The following B3GAT1 variants were observed in gnomAD, a reference collection of about 807,000 sequenced individuals.
B3GAT1 encodes beta-1,3-glucuronyltransferase 1.
B3GAT1 carries 11 observed loss-of-function variants against 28.4 expected under a neutral mutation model. That is an observed-to-expected ratio of 0.39 (90% CI 0.24 to 0.64). B3GAT1 has a LOEUF of 0.64. B3GAT1 is among the 30% of genes least tolerant of loss of function. The probability of loss-of-function intolerance (pLI) is 0.50; values close to 1 mark genes in which losing one functional copy is unlikely to be tolerated. For missense variants in B3GAT1, 375 were observed against 491.0 expected, an observed-to-expected ratio of 0.76 and a Z score of 2.23; for synonymous variants, 255 against 223.1, an observed-to-expected ratio of 1.14 and a Z score of -1.27.
intron 2 of B3GAT1, 95 bp from the exon 3 acceptor site, chr11:134,384,283 C>T (rs1441803042): frequency 4.9e-6 from 7 of 1,416,656 alleles, no homozygotes; most frequent in Admixed American, 2.8e-5. Flanking sequence ...GGGCACCCTC[C>T]TCCTCCCCCG....
At chr11:134,399,876 G>A (rs1307239508) in intron 1 of B3GAT1, among the ~76,000 whole-genome samples, 4 of 152,204 alleles carry the variant, frequency 2.6e-5, no homozygotes, top group Admixed American at 6.5e-5. Flanking sequence ...CAAGCCAGGT[G>A]AGCAGGTGGG....
chr11:134,404,890 G>A (rs1335238782), intron 1 of B3GAT1, among the ~76,000 whole-genome samples: 2 of 152,214 alleles, frequency 1.3e-5, no homozygotes, highest in African/African-American at 2.4e-5. Context: ...CAGCTCGCCC[G>A]GAGGCTGTAC....
intron 2 of B3GAT1, chr11:134,387,306 C>A (rs925172907): frequency 1.9e-5 from 10 of 524,838 alleles, no homozygotes; most frequent in Admixed American, 6.9e-5. Flanking sequence ...GTAACAAGCT[C>A]TTCTTTCAAG....
chr11:134,381,774 G>C, intron 5 of B3GAT1, 150 bp downstream of exon 5: 2 of 628,482 alleles, frequency 3.2e-6, no homozygotes, highest in Admixed American at 2.5e-5. Context: ...CCAGTGGGAA[G>C]GGGACTGTGG....
chr11:134,382,409 A>ATG (rs3065378), intron 4 of B3GAT1, among the ~76,000 whole-genome samples: 3 of 151,976 alleles, frequency 2.0e-5, no homozygotes, highest in African/African-American at 7.3e-5. Context: ...GTGCATCTGC[A>ATG]TGTGTGTGTG....
At chr11:134,404,681 G>A (rs11602310) in intron 1 of B3GAT1, among the ~76,000 whole-genome samples, 11,068 of 152,240 alleles carry the variant, frequency 0.073, 445 homozygotes, top group African/African-American at 0.11. Context: ...TACGCCACTC[G>A]GAAGAGTGTG....
chr11:134,390,726 G>C (rs1043102789), intron 1 of B3GAT1: 3 of 152,342 alleles, frequency 2.0e-5, no homozygotes, highest in Non-Finnish European at 4.4e-5. Flanking sequence ...GGCCAGAGAA[G>C]GGGAGTAACT....
intron 1 of B3GAT1, among the ~76,000 whole-genome samples, chr11:134,405,621 G>T (rs1340676599): frequency 6.6e-6 from 1 of 152,198 alleles, no homozygotes; most frequent in Non-Finnish European, 1.5e-5. Context: ...CGACCCCGGG[G>T]GTGGCAGCCC....
At chr11:134,400,170 G>A (rs1944582437) in intron 1 of B3GAT1, among the ~76,000 whole-genome samples, 1 of 152,104 alleles carries the variant, frequency 6.6e-6, no homozygotes, top group African/African-American at 2.4e-5. Flanking sequence ...CCCTGCCCCT[G>A]CCCCGATCTG....
intron 4 of B3GAT1, 103 bp from the exon 5 acceptor site, chr11:134,382,127 C>T (rs1269234070): frequency 2.2e-6 from 2 of 891,118 alleles, no homozygotes; most frequent in Non-Finnish European, 3.6e-6. Flanking sequence ...CCTGCCCCTC[C>T]TTTTCCTTCG....
At chr11:134,382,389 GTGCATGTGTGTGCATC>G (rs1944151833) in intron 4 of B3GAT1, among the ~76,000 whole-genome samples, 1 of 141,098 alleles carries the variant, frequency 7.1e-6, no homozygotes, top group African/African-American at 2.5e-5. Flanking sequence ...GCATATATGT[GTGCATGTGTGTGCATC>G]TGCATGTGTG....
chr11:134,392,730 T>A (rs938463282), intron 1 of B3GAT1, among the ~76,000 whole-genome samples: 6 of 152,040 alleles, frequency 3.9e-5, no homozygotes, highest in Admixed American at 3.9e-4. Context: ...CTAGGGGGTG[T>A]CTGGGACTCA....
rs534350119 is a variant in B3GAT1, at chr11:134,393,672, C to T, written c.-281-5732G>A. On this transcript the variant is annotated intron_variant, in intron 1 of 5. Transcript: ENST00000312527. This position sits in a 1 kb window ranked among gnomAD's most constrained non-coding sequence, Gnocchi z 4.0. The stretch of plus-strand genomic sequence containing the variant: ...GACATTCTGTGATGACAGTAGCAAG[C>T]GAGACGGTGAGTGCTGTGAACAGGC... 6.6e-5 allele frequency among the ~76,000 whole-genome samples: 10 copies of T among 152,294 alleles called. No individual in the cohort carries two copies. The highest frequency in any genetic ancestry group is 2.2e-4 in the African/African-American group (9 of 41,568).
chr11:134,384,291 C>G, intron 2 of B3GAT1, 103 bp from the exon 3 acceptor site: 1 of 1,397,348 alleles, frequency 7.2e-7, no homozygotes, highest in Non-Finnish European at 9.4e-7. Context: ...TCCTCCTCCC[C>G]CGCTGCAGGG....
At chr11:134,382,154 TC>T (rs1387698335) in intron 4 of B3GAT1, 130 bp from the exon 5 acceptor site, 2 of 709,582 alleles carry the variant, frequency 2.8e-6, no homozygotes, top group Non-Finnish European at 4.7e-6. Flanking sequence ...TTTCAATTGT[TC>T]CATCAAGATT....
chr11:134,400,174 C>G (rs549849527), intron 1 of B3GAT1, among the ~76,000 whole-genome samples: 3 of 152,136 alleles, frequency 2.0e-5, no homozygotes, highest in African/African-American at 7.2e-5. Flanking sequence ...GCCCCTGCCC[C>G]GATCTGCTCA....
intron 1 of B3GAT1, among the ~76,000 whole-genome samples, chr11:134,396,411 TG>T (rs1036292007): frequency 9.9e-5 from 15 of 152,136 alleles, no homozygotes; most frequent in African/African-American, 3.6e-4. Flanking sequence ...ACCACCTCTT[TG>T]CTCTCCTCTG....
chr11:134,403,450 C>T (rs575187035), intron 1 of B3GAT1, among the ~76,000 whole-genome samples: 1 of 152,304 alleles, frequency 6.6e-6, no homozygotes, highest in East Asian at 1.9e-4. Flanking sequence ...CTGGGCACCA[C>T]AGGGTGCCTG....
At chr11:134,407,623 C>T (rs904102595) in intron 1 of B3GAT1, among the ~76,000 whole-genome samples, 1 of 152,210 alleles carries the variant, frequency 6.6e-6, no homozygotes, top group Non-Finnish European at 1.5e-5. Context: ...AGGCACTTGG[C>T]GCGGAGGCTG....
Sources: allele counts gnomAD v4.1 joint callset (sites outside exome capture counted in the v4.1 genomes callset), GRCh38; gene constraint gnomAD v4.1.1; non-coding constraint Gnocchi (gnomAD v3.1); transcripts MANE v1.5; gene names NCBI Gene and HGNC (gene_info 2026-07-23, HGNC 2026-07-21).